SHC2: variants seen among roughly 807,000 people sequenced by gnomAD.
The protein encoded by SHC2 is SHC-transforming protein 2.
SHC2 carries 62 observed loss-of-function variants against 60.6 expected under a neutral mutation model. The ratio of observed to expected loss-of-function variants is 1.02; its 90% confidence interval spans 0.83 to 1.26. The LOEUF is 1.26. SHC2 is among the 50% of genes most tolerant of loss of function. The pLI, the probability that SHC2 is intolerant of heterozygous loss-of-function variation, is 0.00. For synonymous variants in SHC2, 375 were observed against 372.4 expected (o/e 1.01, Z -0.08); for missense variants, 873 against 822.2 (o/e 1.06, Z -0.76).
Position 450,072 on chromosome 19 carries a change from A to G in SHC2, c.469-9140T>C, listed in dbSNP as rs563419492. ...ACAGCCCCCGTCAGTGCCCCTGGCCATGGCTTTCCACAGGGGCGAGGGGTG... is the reference window on the plus strand; with the variant it reads ...ACAGCCCCCGTCAGTGCCCCTGGCCGTGGCTTTCCACAGGGGCGAGGGGTG... On this transcript the variant is annotated intron_variant, in intron 1 of 12. Transcript: ENST00000264554. 4.8e-3 allele frequency among the ~76,000 whole-genome samples: 738 copies of G among 152,306 alleles called. 4 individuals carry two copies. Among genetic ancestry groups the G allele is most frequent in the Non-Finnish European group, 7.6e-3 (518 of 68,022 alleles).
chr19:434,799 G>A lies in SHC2; in HGVS notation c.1020C>T (p.Asn340=). 1 of 1,612,952 alleles carries A rather than the reference G, an allele frequency of 6.2e-7. No individual in the cohort carries two copies. Among genetic ancestry groups the A allele is most frequent in the Non-Finnish European group, 8.5e-7 (1 of 1,179,820 alleles). ...EEDSLEHNYY[N]SIPGKEPPLG... ...GCGGCGGCTCCTTCCCCGGGATGCT[G>A]TTGTAGTAATTGTGCTCCAAAGAGT... Residue 340 remains asparagine (N), a synonymous_variant, in exon 8 of 13, where the codon AAC becomes AAT. Coordinates refer to ENST00000264554, the MANE Select transcript of SHC2 (RefSeq NM_012435.3).
intron 1 of SHC2, among the ~76,000 whole-genome samples, chr19:443,324 G>GGATGGACA (rs1197400863): frequency 6.8e-6 from 1 of 146,790 alleles, no homozygotes; most frequent in African/African-American, 2.7e-5. Flanking sequence ...ATGGGTGGAT[G>GGATGGACA]GATGGATGGG....
chr19:419,145 G>A, intron 11 of SHC2, 89 bp from the exon 12 acceptor site: 9 of 1,417,212 alleles, frequency 6.4e-6, no homozygotes, highest in Non-Finnish European at 8.5e-6. Context: ...CTGCCGGGGA[G>A]CCCCTAGGGT....
At chr19:447,287 TG>T (rs1269297569) in intron 1 of SHC2, among the ~76,000 whole-genome samples, 3 of 52,452 alleles carry the variant, frequency 5.7e-5, no homozygotes, top group African/African-American at 1.9e-4. Flanking sequence ...AGGGGACGCG[TG>T]GGCGCCGGGG....
chr19:436,727 G>C lies in SHC2; in HGVS notation c.721-44C>G, dbSNP rs143965166. On this transcript the variant is annotated intron_variant, in intron 4 of 12. Transcript: ENST00000264554. ...CACGCGGTCATGGGGGCCCCGCTTC[G>C]AGGGCAGGGGGCCCGGCAGATGGAC... 1.9e-6 allele frequency: 3 copies of C among 1,570,388 alleles called. No homozygotes were observed. The East Asian group carries it at 6.8e-5, about 36-fold the overall frequency.
chr19:450,312 C>T (rs911335874), intron 1 of SHC2, among the ~76,000 whole-genome samples: 4 of 152,324 alleles, frequency 2.6e-5, no homozygotes, highest in African/African-American at 4.8e-5. Flanking sequence ...AAGAGAGTGG[C>T]GCGTTTTCGT....
In SHC2 at chr19:459,242, CGTAGGGGGAAGGACCCCTCTCAACTCGGT is replaced by C. The variant is rs1568301492; in HGVS notation, c.468+1258_468+1286del. Among the ~76,000 whole-genome samples the C allele has an allele frequency of 6.3e-3, 807 of 128,548 alleles. 7 individuals carry two copies. The highest frequency in any genetic ancestry group is 0.012 in the African/African-American group (350 of 29,308). 84.3% of individuals were successfully genotyped at this position (128,548 alleles called of 152,430 possible). On this transcript the variant is annotated intron_variant, in intron 1 of 12. Transcript: ENST00000264554. ...GGGGGAAGGACCCCACTGAACCCAG[CGTAGGGGGAAGGACCCCTCTCAACTCGGT>C]GTAGGGGGAAGGACCCCACTGAAGC... is the stretch of plus-strand genomic sequence containing the variant.
At position 446,104 on chromosome 19, in the gene SHC2, G is replaced by A. The variant is rs1053061553; in HGVS notation, c.469-5172C>T. ...CACAGAGGGAGATTTGAGAGACAGA[G>A]ACACAGAAGGGAGGGGCCGTGTGCA... On this transcript the variant is annotated intron_variant, in intron 1 of 12. Coordinates refer to ENST00000264554, the MANE Select transcript of SHC2 (RefSeq NM_012435.3). This position sits in a 1 kb window ranked among gnomAD's most constrained non-coding sequence, Gnocchi z 5.4. Among the ~76,000 whole-genome samples the A allele has an allele frequency of 6.6e-6, 1 of 151,696 alleles. No individual in the cohort carries two copies. Among genetic ancestry groups the A allele is most frequent in the Non-Finnish European group, 1.5e-5 (1 of 67,942 alleles).
intron 8 of SHC2, among the ~76,000 whole-genome samples, chr19:431,106 C>A (rs1235747626): frequency 9.8e-6 from 1 of 101,616 alleles, no homozygotes; most frequent in Admixed American, 9.7e-5. Flanking sequence ...GCCTCCGGAC[C>A]GCCCTACAGA....
chr19:458,089 GGAAGTGGGTCCCGGGGAGGCA>G (rs1239183551), intron 1 of SHC2, among the ~76,000 whole-genome samples: 1 of 135,738 alleles, frequency 7.4e-6, no homozygotes. Context: ...TTGGGGAGGC[GGAAGTGGGTCCCGGGGAGGCA>G]GAAGCGGGTC....
intron 1 of SHC2, among the ~76,000 whole-genome samples, chr19:450,330 CTTT>C (rs1275565498): frequency 1.3e-5 from 2 of 152,196 alleles, no homozygotes; most frequent in African/African-American, 2.4e-5. Context: ...CGTGTGCTTG[CTTT>C]TTTATTGTGG....
chr19:430,801 C>A (rs1177021920), intron 8 of SHC2, 54 bp from the exon 9 acceptor site: 9 of 1,554,230 alleles, frequency 5.8e-6, no homozygotes, highest in Non-Finnish European at 6.2e-6. Flanking sequence ...CTCTTCCTGG[C>A]TCTGGACCCC....
At chr19:444,465 C>G (rs1975002418) in intron 1 of SHC2, among the ~76,000 whole-genome samples, 1 of 152,116 alleles carries the variant, frequency 6.6e-6, no homozygotes, top group Non-Finnish European at 1.5e-5. Context: ...GGTTGTGCGG[C>G]TGAAACCCTG....
intron 1 of SHC2, among the ~76,000 whole-genome samples, chr19:442,432 T>G (rs1974895355): frequency 1.0e-5 from 1 of 95,350 alleles, no homozygotes; most frequent in African/African-American, 4.1e-5. Context: ...GATGGATGGA[T>G]GGGCGGGTGG....
Position 426,440 on chromosome 19 carries a change from G to C in SHC2, c.1175-1209C>G, listed in dbSNP as rs376197247. Among the ~76,000 whole-genome samples the C allele has an allele frequency of 0.012, 1,441 of 118,690 alleles. 85 individuals are homozygous for C. The East Asian group carries it at 0.15, about 12-fold the overall frequency. The allele number at this position is 118,690 out of a possible 152,430, so 77.9% of individuals were successfully genotyped here. A position where few individuals can be genotyped will look rare whatever the true frequency, so the allele number is the denominator to read the frequency against. On this transcript the variant is annotated intron_variant, in intron 9 of 12. Transcript: ENST00000264554. The stretch of plus-strand genomic sequence containing the variant: ...GGAGGACGACACCGAGAGGGGCAGA[G>C]TCCGGGGAGGGAGGACGACACCGAG...
chr19:430,089 A>G (rs1974538971), intron 9 of SHC2, among the ~76,000 whole-genome samples: 1 of 147,376 alleles, frequency 6.8e-6, no homozygotes. Context: ...CTATATCCCA[A>G]CGTGCACGGA....
chr19:418,414 A>G lies in SHC2; in HGVS notation c.*5+509T>C, dbSNP rs142184441. ...GGGCAGTGACGCGTGTCCACACACAACCTGCACACAAAGGCTCACGGCGGC... is the reference window on the plus strand; with the variant it reads ...GGGCAGTGACGCGTGTCCACACACAGCCTGCACACAAAGGCTCACGGCGGC... On this transcript the variant is annotated intron_variant, in intron 12 of 12. Coordinates refer to ENST00000264554, the MANE Select transcript of SHC2 (RefSeq NM_012435.3). 1.3e-3 allele frequency among the ~76,000 whole-genome samples: 203 copies of G among 152,362 alleles called. 3 individuals carry two copies. The highest frequency in any genetic ancestry group is 4.7e-3 in the African/African-American group (197 of 41,586).
At position 425,137 on chromosome 19, in the gene SHC2, G is replaced by A. The variant is rs775428413; in HGVS notation, c.1269C>T (p.Pro423=). The A allele has an allele frequency of 4.3e-6, 6 of 1,398,570 alleles. No individual in the cohort carries two copies. Among genetic ancestry groups the A allele is most frequent in the East Asian group, 2.7e-5 (1 of 36,382 alleles). 86.6% of individuals were successfully genotyped at this position (1,398,570 alleles called of 1,614,324 possible). A position where few individuals can be genotyped will look rare whatever the true frequency, so the allele number is the denominator to read the frequency against. ...CCTTTTTGGGGCTGTCCTCCGGCTC[G>A]GGGGCGTCCAGACCCTGGGTGTTGA... is the stretch of plus-strand genomic sequence containing the variant. ...LYVNTQGLDA[P]EPEDSPKKDL... The change falls in exon 10 of 13, where the codon CCC becomes CCT. Residue 423 remains proline, a synonymous_variant. Coordinates refer to ENST00000264554, the MANE Select transcript of SHC2 (RefSeq NM_012435.3). The surrounding 1 kb of genome is among the most constrained non-coding windows in gnomAD (Gnocchi z 4.1).
At position 441,015 on chromosome 19, in the gene SHC2, C is replaced by T. The variant is rs1974852668; in HGVS notation, c.469-83G>A. ...CCTTTTCCCAGCAGCCCTTCGCCGC[C>T]TCCACCACCCCTGGGGTCGAGCCCT... is the stretch of plus-strand genomic sequence containing the variant. On this transcript the variant is annotated intron_variant, in intron 1 of 12. Transcript: ENST00000264554. The surrounding 1 kb of genome is among the most constrained non-coding windows in gnomAD (Gnocchi z 4.9). 3.9e-6 allele frequency: 6 copies of T among 1,547,762 alleles called. No homozygotes were observed. The South Asian group carries it at 5.6e-5, about 15-fold the overall frequency.
Sources: gnomAD v4.1 joint callset for allele counts (sites outside exome capture counted in the v4.1 genomes callset) on GRCh38, gnomAD v4.1.1 for gene constraint, Gnocchi (gnomAD v3.1) non-coding constraint, MANE v1.5 for transcripts, NCBI Gene and HGNC (gene_info 2026-07-23, HGNC 2026-07-21) for gene names.